Variants in TRMT9B observed in about 807,000 individuals in gnomAD.
TRMT9B encodes probable tRNA methyltransferase 9B.
TRMT9B carries 16 observed loss-of-function variants against 11.5 expected under a neutral mutation model. The observed-to-expected ratio is 1.39, with a 90% CI of 0.94 to 2.11. TRMT9B has a LOEUF of 2.11. TRMT9B is among the 30% of genes most tolerant of loss of function. TRMT9B has a pLI of 0.00. For synonymous variants in TRMT9B, 274 were observed against 192.4 expected (o/e 1.42, Z -3.51); for missense variants, 941 against 553.8 (o/e 1.70, Z -7.02).
chr8:12,998,952 G>T (rs948708670), intron 2 of TRMT9B, among the ~76,000 whole-genome samples: 4 of 152,140 alleles, frequency 2.6e-5, no homozygotes, highest in African/African-American at 9.7e-5. Context: ...GGATATATAT[G>T]TTAATGTCCA....
intron 1 of TRMT9B, among the ~76,000 whole-genome samples, chr8:12,976,715 A>G (rs1052344613): frequency 6.6e-6 from 1 of 152,204 alleles, no homozygotes; most frequent in East Asian, 1.9e-4. Flanking sequence ...GGTTAAGAAA[A>G]CTAACCAGGG....
intron 3 of TRMT9B, chr8:13,006,793 C>G (rs993627990): frequency 1.3e-5 from 6 of 449,244 alleles, no homozygotes; most frequent in African/African-American, 2.0e-5. Flanking sequence ...CTCAGACTCC[C>G]AAATAGCTAT....
rs80187588 is a variant in TRMT9B, at chr8:13,014,659, A to C, written c.328+1802A>C. On this transcript the variant is annotated intron_variant, in intron 4 of 4. Transcript: ENST00000524591. ...CTCAGAGGCCACAAACATTCAGTCT[A>C]TAACCCGGAGAAAACCTTTTTGAAT... Among the ~76,000 whole-genome samples, 114 of 152,204 alleles carry C rather than the reference A, an allele frequency of 7.5e-4. 1 individual carries two copies. Among genetic ancestry groups the C allele is most frequent in the African/African-American group, 2.7e-3 (111 of 41,458 alleles).
intron 2 of TRMT9B, among the ~76,000 whole-genome samples, chr8:13,004,612 G>A (rs772516015): frequency 9.9e-5 from 15 of 151,938 alleles, no homozygotes; most frequent in Non-Finnish European, 1.9e-4. Context: ...GTCCTGTCAG[G>A]ACCCATCACC....
At chr8:13,009,493 T>C (rs1202176033) in intron 3 of TRMT9B, among the ~76,000 whole-genome samples, 1 of 152,164 alleles carries the variant, frequency 6.6e-6, no homozygotes, top group Non-Finnish European at 1.5e-5. Flanking sequence ...TCTTCTCCCA[T>C]CCCAGTCCCT....
chr8:12,969,248 G>T lies in TRMT9B; in HGVS notation c.-199-21586G>T, dbSNP rs543954698. Among the ~76,000 whole-genome samples the T allele has an allele frequency of 4.9e-4, 75 of 152,188 alleles. 1 individual carries two copies. The highest frequency in any genetic ancestry group is 1.8e-3 in the African/African-American group (73 of 41,520). The stretch of plus-strand genomic sequence containing the variant: ...CAAACAAAATACTGAAAGGCCCACC[G>T]TCTCTTCATTACACAGGTTTCCATC... On this transcript the variant is annotated intron_variant, in intron 1 of 4. Coordinates refer to ENST00000524591, the MANE Select transcript of TRMT9B (RefSeq NM_020844.3).
chr8:12,985,843 A>G (rs1806200230), intron 1 of TRMT9B, among the ~76,000 whole-genome samples: 1 of 151,900 alleles, frequency 6.6e-6, no homozygotes. Flanking sequence ...TGGGCTATGT[A>G]CTAGATTAAT....
At chr8:13,004,725 G>T (rs942468669) in intron 2 of TRMT9B, among the ~76,000 whole-genome samples, 1 of 151,988 alleles carries the variant, frequency 6.6e-6, no homozygotes, top group Non-Finnish European at 1.5e-5. Context: ...CTCCAGATGC[G>T]ACTTAGCACA....
intron 2 of TRMT9B, among the ~76,000 whole-genome samples, chr8:13,005,135 A>G (rs1421655909): frequency 1.3e-5 from 2 of 152,160 alleles, no homozygotes; most frequent in African/African-American, 2.4e-5. Flanking sequence ...GTCATTCGCA[A>G]TAACATGGAT....
At chr8:12,981,953 A>T (rs996101057) in intron 1 of TRMT9B, among the ~76,000 whole-genome samples, 1 of 152,188 alleles carries the variant, frequency 6.6e-6, no homozygotes, top group Non-Finnish European at 1.5e-5. Context: ...AATTCTGTTC[A>T]ATTTCAAAGG....
intron 2 of TRMT9B, among the ~76,000 whole-genome samples, chr8:12,995,470 T>C (rs1486673047): frequency 6.6e-6 from 1 of 152,174 alleles, no homozygotes; most frequent in African/African-American, 2.4e-5. Context: ...GCTTTCCTTA[T>C]TCTCCATTTC....
At chr8:12,983,547 G>A (rs71522317) in intron 1 of TRMT9B, among the ~76,000 whole-genome samples, 46,606 of 151,998 alleles carry the variant, frequency 0.31, 8,040 homozygotes, top group Middle Eastern at 0.51. Flanking sequence ...GCAGGTGCCT[G>A]TAATCTCAGC....
chr8:12,947,909 C>A (rs1030213136), intron 1 of TRMT9B, among the ~76,000 whole-genome samples: 1 of 152,160 alleles, frequency 6.6e-6, no homozygotes, highest in African/African-American at 2.4e-5. Context: ...TGCTCAGAAA[C>A]AGGCAGTGAG....
intron 1 of TRMT9B, among the ~76,000 whole-genome samples, chr8:12,961,002 G>C (rs1260511179): frequency 6.6e-6 from 1 of 152,074 alleles, no homozygotes; most frequent in Non-Finnish European, 1.5e-5. Flanking sequence ...TTAGCTGGGC[G>C]TGATGGTGCG....
At chr8:13,006,585 G>A in intron 3 of TRMT9B, 1 of 1,419,648 alleles carries the variant, frequency 7.0e-7, no homozygotes, top group East Asian at 2.5e-5. Flanking sequence ...CCCTTGGCAT[G>A]CCAGTACCTA....
At chr8:12,988,535 A>G (rs1437544878) in intron 1 of TRMT9B, among the ~76,000 whole-genome samples, 1 of 152,162 alleles carries the variant, frequency 6.6e-6, no homozygotes, top group African/African-American at 2.4e-5. Flanking sequence ...GAAACTTACA[A>G]TCATGAGTGG....
Position 12,986,338 on chromosome 8 carries a change from C to T in TRMT9B, c.-199-4496C>T, listed in dbSNP as rs147036851. ...GGCCATCCTTCTTTTCTGTTCTCCACGTGTTTGTACAGTAGACATTCATTG... is the reference window on the plus strand; with the variant it reads ...GGCCATCCTTCTTTTCTGTTCTCCATGTGTTTGTACAGTAGACATTCATTG... On this transcript the variant is annotated intron_variant, in intron 1 of 4. Transcript: ENST00000524591. Among the ~76,000 whole-genome samples the T allele has an allele frequency of 5.3e-5, 8 of 152,194 alleles. No individual in the cohort carries two copies. In the East Asian group the frequency reaches 1.2e-3, roughly 22 times the overall value.
chr8:12,991,954 C>G (rs545577025), intron 2 of TRMT9B, among the ~76,000 whole-genome samples: 3 of 152,262 alleles, frequency 2.0e-5, no homozygotes, highest in Admixed American at 2.0e-4. Flanking sequence ...AACAACAGAC[C>G]TCTGGGGCAG....
intron 1 of TRMT9B, among the ~76,000 whole-genome samples, chr8:12,947,344 G>T (rs925092051): frequency 1.3e-5 from 2 of 152,186 alleles, no homozygotes; most frequent in Admixed American, 6.5e-5. Flanking sequence ...TATGCATCAA[G>T]ATGTTATCAT....
Sources: allele counts gnomAD v4.1 joint callset (sites outside exome capture counted in the v4.1 genomes callset), GRCh38; gene constraint gnomAD v4.1.1; transcripts MANE v1.5; gene names NCBI Gene and HGNC (gene_info 2026-07-23, HGNC 2026-07-21).